The following DEPDC1B variants were observed in gnomAD, a reference collection of about 807,000 sequenced individuals.
DEPDC1B encodes DEP domain-containing protein 1B.
Under a neutral mutation model 66.5 loss-of-function variants are expected in DEPDC1B, and 51 were observed. The observed-to-expected ratio is 0.77, with a 90% CI of 0.61 to 0.97. The LOEUF (loss-of-function observed/expected upper bound fraction) is 0.97, where lower values mean the gene tolerates loss of function less well. DEPDC1B is among the 50% of genes least tolerant of loss of function. The pLI is 0.00. For missense variants in DEPDC1B, 552 were observed against 637.1 expected, an observed-to-expected ratio of 0.87 and a Z score of 1.44; for synonymous variants, 226 against 223.6, an observed-to-expected ratio of 1.01 and a Z score of -0.10.
chr5:60,632,608 C>T lies in DEPDC1B; in HGVS notation c.898+6142G>A, dbSNP rs527603855. ...GTGGCTACTCCGACCTGGCCTCTGC[C>T]TTCTGCAGTGCCCAGCACAGGCCTT... On this transcript the variant is annotated intron_variant, in intron 7 of 10. Coordinates refer to ENST00000265036, the MANE Select transcript of DEPDC1B (RefSeq NM_018369.3). Among the ~76,000 whole-genome samples the T allele has an allele frequency of 5.2e-5, 8 of 152,394 alleles. No homozygotes were observed. In the South Asian group the frequency reaches 1.2e-3, roughly 24 times the overall value.
chr5:60,607,385 T>C (rs1033237623), intron 7 of DEPDC1B, among the ~76,000 whole-genome samples: 1 of 152,186 alleles, frequency 6.6e-6, no homozygotes, highest in Admixed American at 6.5e-5. Flanking sequence ...ATCATCTATG[T>C]AGACCTGTTT....
intron 9 of DEPDC1B, among the ~76,000 whole-genome samples, chr5:60,600,334 A>G (rs1752178875): frequency 6.6e-6 from 1 of 152,216 alleles, no homozygotes; most frequent in African/African-American, 2.4e-5. Context: ...CATTAAAAAT[A>G]TTTAATTTCA....
intron 2 of DEPDC1B, among the ~76,000 whole-genome samples, chr5:60,669,412 AAAC>A (rs1301830796): frequency 6.6e-6 from 1 of 152,208 alleles, no homozygotes; most frequent in Non-Finnish European, 1.5e-5. Context: ...AACAAAAAGC[AAAC>A]AACAATACAA....
intron 1 of DEPDC1B, 34 bp from the exon 2 acceptor site, chr5:60,687,261 C>G: frequency 1.9e-6 from 3 of 1,567,654 alleles, no homozygotes; most frequent in Non-Finnish European, 2.6e-6. Context: ...ATTTAGTAAT[C>G]AACTGATTTT....
chr5:60,622,905 T>G (rs1358669355), intron 7 of DEPDC1B, among the ~76,000 whole-genome samples: 1 of 152,212 alleles, frequency 6.6e-6, no homozygotes, highest in Non-Finnish European at 1.5e-5. Context: ...ATCCTAGTTA[T>G]AAGTATTTTG....
intron 2 of DEPDC1B, among the ~76,000 whole-genome samples, chr5:60,684,166 A>G (rs893122245): frequency 3.9e-5 from 6 of 152,196 alleles, no homozygotes; most frequent in African/African-American, 1.4e-4. Context: ...TGTTAAAATG[A>G]CCATACTACC....
chr5:60,617,702 C>T (rs922095541), intron 7 of DEPDC1B, among the ~76,000 whole-genome samples: 2 of 152,174 alleles, frequency 1.3e-5, no homozygotes, highest in African/African-American at 4.8e-5. Context: ...GACTTCAACA[C>T]CCCACTGTCA....
At chr5:60,627,426 G>A (rs889219524) in intron 7 of DEPDC1B, among the ~76,000 whole-genome samples, 2 of 151,650 alleles carry the variant, frequency 1.3e-5, no homozygotes, top group African/African-American at 2.4e-5. Context: ...AAGGACATTA[G>A]CATTCTATCT....
At chr5:60,621,152 G>A (rs1040717966) in intron 7 of DEPDC1B, among the ~76,000 whole-genome samples, 1 of 151,860 alleles carries the variant, frequency 6.6e-6, no homozygotes, top group South Asian at 2.1e-4. Flanking sequence ...GGTGGGGGTA[G>A]GGGGAGGGAT....
chr5:60,660,937 C>G (rs1232763535), intron 2 of DEPDC1B, among the ~76,000 whole-genome samples: 1 of 152,186 alleles, frequency 6.6e-6, no homozygotes, highest in Non-Finnish European at 1.5e-5. Flanking sequence ...AATAGGGAAA[C>G]TCTTGTAAAA....
At chr5:60,618,918 C>G (rs1363236686) in intron 7 of DEPDC1B, among the ~76,000 whole-genome samples, 1 of 152,164 alleles carries the variant, frequency 6.6e-6, no homozygotes, top group African/African-American at 2.4e-5. Context: ...AATCCAGCAG[C>G]ACATCAAAAA....
intron 1 of DEPDC1B, among the ~76,000 whole-genome samples, chr5:60,698,538 CAT>C (rs1754705204): frequency 6.6e-6 from 1 of 152,320 alleles, no homozygotes; most frequent in Admixed American, 6.5e-5. Context: ...ATTTGTGGCA[CAT>C]GAGTGACCTC....
Position 60,597,802 on chromosome 5 carries a change from A to G in DEPDC1B, c.1541T>C (p.Leu514Pro). ...KPKPQLLMWALKKPFQPFQRT... is the reference protein window; with the variant it reads ...KPKPQLLMWAPKKPFQPFQRT... Reference sequence around the variant, plus strand: ...TTGAAATGGTTGGAAAGGCTTCTTTAGTGCCCACATTAGCAGCTGTGGTTT... The same window carrying G: ...TTGAAATGGTTGGAAAGGCTTCTTTGGTGCCCACATTAGCAGCTGTGGTTT... Residue 514 changes from leucine (L) to proline (P), a missense_variant, in exon 11 of 11, where the codon CTA becomes CCA. Physicochemically the swap from Leu to Pro is moderately conservative, Grantham distance 98 (BLOSUM62 -3). Coordinates refer to ENST00000265036, the MANE Select transcript of DEPDC1B (RefSeq NM_018369.3). 6.2e-7 allele frequency: 1 copy of G among 1,613,388 alleles called. No homozygotes were observed. Among genetic ancestry groups the G allele is most frequent in the Non-Finnish European group, 8.5e-7 (1 of 1,179,642 alleles).
chr5:60,643,539 C>T lies in DEPDC1B; in HGVS notation c.710-680G>A, dbSNP rs762231607. 2.6e-5 allele frequency among the ~76,000 whole-genome samples: 4 copies of T among 152,204 alleles called. No homozygotes were observed. In the South Asian group the frequency reaches 8.3e-4, roughly 32 times the overall value. The stretch of plus-strand genomic sequence containing the variant: ...CATCTTCTCTATTTCTGTAAAACTG[C>T]GAAGACACTTGTTGAATTGTGTTAG... On this transcript the variant is annotated intron_variant, in intron 5 of 10. Transcript: ENST00000265036.
chr5:60,622,510 A>G lies in DEPDC1B; in HGVS notation c.898+16240T>C, dbSNP rs75292897. On this transcript the variant is annotated intron_variant, in intron 7 of 10. Transcript: ENST00000265036. ...GATATTATGAATAAAGCTGCTATGA[A>G]CACCACACAATTTGTGTGAACACAT... is the stretch of plus-strand genomic sequence containing the variant. 6.8e-3 allele frequency among the ~76,000 whole-genome samples: 1,036 copies of G among 152,342 alleles called. 10 individuals are homozygous for G. Among genetic ancestry groups the G allele is most frequent in the African/African-American group, 0.024 (979 of 41,574 alleles).
At chr5:60,618,294 G>T (rs28859890) in intron 7 of DEPDC1B, among the ~76,000 whole-genome samples, 1 of 152,102 alleles carries the variant, frequency 6.6e-6, no homozygotes, top group African/African-American at 2.4e-5. Context: ...GATCAGAGCA[G>T]AACTGAAGGA....
intron 2 of DEPDC1B, 57 bp downstream of exon 2, chr5:60,686,904 GA>G: frequency 6.3e-7 from 1 of 1,591,834 alleles, no homozygotes. Flanking sequence ...AACAGACTTG[GA>G]CCAGATTCAC....
At chr5:60,651,234 A>G (rs1392183777) in intron 2 of DEPDC1B, among the ~76,000 whole-genome samples, 5 of 152,206 alleles carry the variant, frequency 3.3e-5, no homozygotes, top group East Asian at 3.9e-4. Context: ...ACAATTATGT[A>G]AAAACTACAA....
At position 60,599,127 on chromosome 5, in the gene DEPDC1B, A is replaced by T; in HGVS notation, c.1376T>A (p.Val459Asp). 3 of 1,612,920 alleles carry T rather than the reference A, an allele frequency of 1.9e-6. No homozygotes were observed. The highest frequency in any genetic ancestry group is 2.5e-6 in the Non-Finnish European group (3 of 1,179,458). Residue 459 changes from valine to aspartate, a missense_variant, in exon 10 of 11, where the codon GTC becomes GAC. Coordinates refer to ENST00000265036, the MANE Select transcript of DEPDC1B (RefSeq NM_018369.3). ...GTTGGAGAGTTTGGCATCTGTTATG[A>T]CTTCCTCCAACAAGGCTGCCAGAGG... is the stretch of plus-strand genomic sequence containing the variant. ...QEPLAALLEEVITDAKLSNKE... is the reference protein window; with the variant it reads ...QEPLAALLEEDITDAKLSNKE...
Sources: gnomAD v4.1 joint callset for allele counts (sites outside exome capture counted in the v4.1 genomes callset) on GRCh38, gnomAD v4.1.1 for gene constraint, MANE v1.5 for transcripts, NCBI Gene and HGNC (gene_info 2026-07-23, HGNC 2026-07-21) for gene names.